The following ZNF407 variants were observed in gnomAD, a reference collection of about 807,000 sequenced individuals.
ZNF407 encodes the protein zinc finger protein 407.
ZNF407 carries 17 observed loss-of-function variants against 131.2 expected under a neutral mutation model. That is an observed-to-expected ratio of 0.13 (90% CI 0.09 to 0.19). The LOEUF is 0.19. ZNF407 is among the 10% of genes least tolerant of loss of function. The pLI is 1.00. For synonymous variants in ZNF407, 1,156 were observed against 1,062.0 expected (o/e 1.09, Z -1.72); for missense variants, 2,681 against 2,830.6 (o/e 0.95, Z 1.20).
chr18:74,689,082 C>T (rs541798729), intron 3 of ZNF407, among the ~76,000 whole-genome samples: 6 of 152,160 alleles, frequency 3.9e-5, no homozygotes, highest in Non-Finnish European at 7.4e-5. Flanking sequence ...CCCACTTTGA[C>T]CTCCCAAAGT....
intron 3 of ZNF407, among the ~76,000 whole-genome samples, chr18:74,657,082 GT>G (rs11338662): frequency 0.42 from 56,023 of 134,466 alleles, 12,472 homozygotes; most frequent in African/African-American, 0.65. Flanking sequence ...TGTTGAACTA[GT>G]TTTTTTTTTT....
At chr18:74,791,578 T>C (rs1457224944) in intron 4 of ZNF407, among the ~76,000 whole-genome samples, 1 of 152,176 alleles carries the variant, frequency 6.6e-6, no homozygotes, top group Non-Finnish European at 1.5e-5. Context: ...TTTCACTCAT[T>C]GCCATACAGA....
chr18:74,729,506 T>G lies in ZNF407; in HGVS notation c.4803-51922T>G, dbSNP rs573081614. Among the ~76,000 whole-genome samples the G allele has an allele frequency of 2.1e-4, 31 of 151,210 alleles. No individual in the cohort carries two copies. In the South Asian group the frequency reaches 2.9e-3, roughly 14 times the overall value. On this transcript the variant is annotated intron_variant, in intron 3 of 8. Coordinates refer to ENST00000299687, the MANE Select transcript of ZNF407 (RefSeq NM_017757.3). Reference sequence around the variant, plus strand: ...CAAGTGTGGTTTGTGTGTGTGTGTGTTTTTTTTTGTCTTGCATGTTCGTTG... The same window carrying G: ...CAAGTGTGGTTTGTGTGTGTGTGTGGTTTTTTTTGTCTTGCATGTTCGTTG...
intron 8 of ZNF407, among the ~76,000 whole-genome samples, chr18:74,954,472 A>G (rs1318055413): frequency 1.3e-5 from 2 of 152,236 alleles, no homozygotes; most frequent in Non-Finnish European, 2.9e-5. Flanking sequence ...GGAGAAAATA[A>G]TATGAAAGTT....
chr18:74,961,136 T>G (rs1972339436), intron 8 of ZNF407, among the ~76,000 whole-genome samples: 1 of 152,186 alleles, frequency 6.6e-6, no homozygotes, highest in Admixed American at 6.5e-5. Context: ...TTTTACATCT[T>G]CTCTAGTTTA....
intron 3 of ZNF407, among the ~76,000 whole-genome samples, chr18:74,769,426 T>C (rs1041218788): frequency 4.6e-5 from 7 of 152,316 alleles, no homozygotes; most frequent in East Asian, 3.9e-4. Flanking sequence ...AAGTTTCCAA[T>C]GAGTATCTCT....
At chr18:75,010,128 A>G (rs1972956637) in intron 8 of ZNF407, among the ~76,000 whole-genome samples, 1 of 152,220 alleles carries the variant, frequency 6.6e-6, no homozygotes, top group African/African-American at 2.4e-5. Context: ...GCTAGTAGTC[A>G]TCCAGTCCAT....
At chr18:74,927,540 T>C (rs923458021) in intron 8 of ZNF407, among the ~76,000 whole-genome samples, 1 of 152,332 alleles carries the variant, frequency 6.6e-6, no homozygotes, top group Admixed American at 6.5e-5. Context: ...CAGGATGAAC[T>C]TTTTCACCAT....
intron 4 of ZNF407, among the ~76,000 whole-genome samples, chr18:74,860,223 G>A (rs1970918088): frequency 6.6e-6 from 1 of 151,878 alleles, no homozygotes; most frequent in African/African-American, 2.4e-5. Flanking sequence ...CTTGAGCCTG[G>A]GAGTTCAAGG....
intron 7 of ZNF407, among the ~76,000 whole-genome samples, chr18:74,914,969 C>G (rs1189683730): frequency 1.3e-5 from 2 of 152,194 alleles, no homozygotes; most frequent in African/African-American, 2.4e-5. Context: ...GACATGAGTT[C>G]TTCCTAGCAT....
At chr18:74,732,180 A>C (rs1270469059) in intron 3 of ZNF407, among the ~76,000 whole-genome samples, 1 of 152,200 alleles carries the variant, frequency 6.6e-6, no homozygotes, top group African/African-American at 2.4e-5. Flanking sequence ...TTTTCTGTAC[A>C]TCTTGGGAAA....
chr18:74,900,206 C>G (rs1297644276), intron 7 of ZNF407, among the ~76,000 whole-genome samples: 1 of 152,160 alleles, frequency 6.6e-6, no homozygotes, highest in Non-Finnish European at 1.5e-5. Context: ...GAGGACTTCT[C>G]AGAACACTCC....
chr18:74,799,250 A>G (rs533001741), intron 4 of ZNF407, among the ~76,000 whole-genome samples: 1 of 152,246 alleles, frequency 6.6e-6, no homozygotes, highest in South Asian at 2.1e-4. Context: ...TGAGGAAAAT[A>G]ACTGAACATA....
intron 3 of ZNF407, among the ~76,000 whole-genome samples, chr18:74,710,738 T>C (rs866122580): frequency 4.6e-5 from 7 of 152,180 alleles, no homozygotes; most frequent in South Asian, 2.1e-4. Flanking sequence ...GGGCTGCAAG[T>C]TTTAGTAATT....
At chr18:74,720,926 G>GA (rs1968017738) in intron 3 of ZNF407, among the ~76,000 whole-genome samples, 1 of 10,450 alleles carries the variant, frequency 9.6e-5, no homozygotes, top group African/African-American at 2.1e-4. Context: ...GATACCTTCA[G>GA]CTTTTTTTTT....
intron 7 of ZNF407, among the ~76,000 whole-genome samples, chr18:74,901,945 A>G (rs1036149990): frequency 6.6e-6 from 1 of 151,586 alleles, no homozygotes; most frequent in Non-Finnish European, 1.5e-5. Context: ...AAAGTGGAAT[A>G]TGTGTTTTCC....
At chr18:74,759,330 G>A (rs1406869997) in intron 3 of ZNF407, among the ~76,000 whole-genome samples, 3 of 152,020 alleles carry the variant, frequency 2.0e-5, no homozygotes, top group African/African-American at 7.2e-5. Context: ...ACATGTTTGA[G>A]TTTTTCCTAT....
rs549859817 is a variant in ZNF407 at position 75,035,384 on chromosome 18, A to G, written c.5429-27766A>G. Among the ~76,000 whole-genome samples, 4 of 152,294 alleles carry G rather than the reference A, an allele frequency of 2.6e-5. No homozygotes were observed. In the South Asian group the frequency reaches 8.3e-4, roughly 32 times the overall value. On this transcript the variant is annotated intron_variant, in intron 8 of 8. Transcript: ENST00000299687. ...AGGGGCCTTCTCCCATCATTCCATC[A>G]TTTTATTACGATACTTCTACCTGTC...
chr18:74,727,165 T>A (rs557607560), intron 3 of ZNF407, among the ~76,000 whole-genome samples: 1 of 152,318 alleles, frequency 6.6e-6, no homozygotes, highest in Non-Finnish European at 1.5e-5. Flanking sequence ...AAACAACATT[T>A]AGATCATCAT....
Sources: gnomAD v4.1 joint callset for allele counts (sites outside exome capture counted in the v4.1 genomes callset) on GRCh38, gnomAD v4.1.1 for gene constraint, MANE v1.5 for transcripts, NCBI Gene and HGNC (gene_info 2026-07-23, HGNC 2026-07-21) for gene names.